Variants in FOXP4 observed in about 807,000 individuals in gnomAD.
The protein encoded by FOXP4 is forkhead box protein P4.
In FOXP4, 25 loss-of-function variants were observed where a neutral mutation model predicts 82.6. The observed-to-expected ratio is 0.30, with a 90% CI of 0.22 to 0.42. The LOEUF is 0.42. Ranked by LOEUF, FOXP4 falls within the 10% of genes least tolerant of loss-of-function variation. The probability of loss-of-function intolerance (pLI) is 1.00; values close to 1 mark genes in which losing one functional copy is unlikely to be tolerated. For synonymous variants in FOXP4, 415 were observed against 388.2 expected (o/e 1.07, Z -0.81); for missense variants, 785 against 900.9 (o/e 0.87, Z 1.65).
intron 1 of FOXP4, among the ~76,000 whole-genome samples, chr6:41,550,583 G>A (rs1763943209): frequency 6.6e-6 from 1 of 152,254 alleles, no homozygotes; most frequent in African/African-American, 2.4e-5. Context: ...GCTTGAGCGT[G>A]TGCTGTGGTG....
intron 2 of FOXP4, among the ~76,000 whole-genome samples, chr6:41,574,668 G>A (rs4642464): frequency 0.018 from 2,734 of 152,264 alleles, 38 homozygotes; most frequent in Non-Finnish European, 0.026. Flanking sequence ...GGGATCTGCC[G>A]GAGTTAGGAC....
intron 2 of FOXP4, among the ~76,000 whole-genome samples, chr6:41,575,320 G>C (rs1044197329): frequency 5.3e-5 from 8 of 152,166 alleles, no homozygotes; most frequent in African/African-American, 9.7e-5. Flanking sequence ...GTGAGCCCTG[G>C]GGGGGCAGAG....
At chr6:41,588,119 C>G (rs1447331281) in intron 8 of FOXP4, among the ~76,000 whole-genome samples, 1 of 152,212 alleles carries the variant, frequency 6.6e-6, no homozygotes, top group Non-Finnish European at 1.5e-5. Flanking sequence ...GACTCCATCC[C>G]CAGCGCAGGG....
chr6:41,576,169 G>A (rs1393415255), intron 2 of FOXP4, among the ~76,000 whole-genome samples: 1 of 151,884 alleles, frequency 6.6e-6, no homozygotes, highest in Non-Finnish European at 1.5e-5. Flanking sequence ...TGGAAGCCCA[G>A]GGCACTTCTC....
At chr6:41,554,735 C>T (rs892575932) in intron 1 of FOXP4, among the ~76,000 whole-genome samples, 5 of 152,186 alleles carry the variant, frequency 3.3e-5, no homozygotes, top group African/African-American at 1.2e-4. Flanking sequence ...TGGCAGGCAC[C>T]TGTAGTCCCA....
intron 2 of FOXP4, among the ~76,000 whole-genome samples, chr6:41,567,965 A>G (rs1562020001): frequency 6.6e-6 from 1 of 152,214 alleles, no homozygotes; most frequent in Admixed American, 6.5e-5. Flanking sequence ...CATATTTGAG[A>G]CTTAAAAAAG....
chr6:41,568,819 T>G (rs1023233658), intron 2 of FOXP4, among the ~76,000 whole-genome samples: 4 of 152,290 alleles, frequency 2.6e-5, no homozygotes, highest in Non-Finnish European at 2.9e-5. Context: ...AGGAGAGAGA[T>G]AAACAGGGCG....
Position 41,591,353 on chromosome 6 carries a change from C to A in FOXP4, c.1536+31C>A. 6.5e-7 allele frequency: 1 copy of A among 1,540,428 alleles called. No individual in the cohort carries two copies. Among genetic ancestry groups the A allele is most frequent in the South Asian group, 1.2e-5 (1 of 85,328 alleles). On this transcript the variant is annotated intron_variant, in intron 13 of 16. Coordinates refer to ENST00000307972, the MANE Select transcript of FOXP4 (RefSeq NM_001012426.2). This position sits in a 1 kb window ranked among gnomAD's most constrained non-coding sequence, Gnocchi z 4.2. Reference sequence around the variant, plus strand: ...GCAGGCCCCTTCCACCTTCTGGGCCCCAGTCACCCTTGGACCTGCCATATC... The same window carrying A: ...GCAGGCCCCTTCCACCTTCTGGGCCACAGTCACCCTTGGACCTGCCATATC...
chr6:41,565,866 G>A lies in FOXP4; in HGVS notation c.106G>A (p.Gly36Arg), dbSNP rs1764850124. The stretch of plus-strand genomic sequence containing the variant: ...CGATGGCAGCAGCGGCGGGGCCACA[G>A]GGACAACTGCAAGTGGCACGGGCAG... ...QADGSSGGAT[G>R]TTASGTGREV... Residue 36 changes from glycine (G) to arginine (R), a missense_variant, in exon 2 of 17, where the codon GGG (glycine) becomes AGG (arginine). By Grantham distance (125) the Gly-to-Arg change is moderately radical (BLOSUM62 -2). Coordinates refer to ENST00000307972, the MANE Select transcript of FOXP4 (RefSeq NM_001012426.2). 3.1e-6 allele frequency: 5 copies of A among 1,613,950 alleles called. No homozygotes were observed. Among genetic ancestry groups the A allele is most frequent in the Non-Finnish European group, 4.2e-6 (5 of 1,180,026 alleles).
At chr6:41,552,522 G>C (rs1314482935) in intron 1 of FOXP4, among the ~76,000 whole-genome samples, 2 of 152,148 alleles carry the variant, frequency 1.3e-5, no homozygotes, top group East Asian at 3.8e-4. Flanking sequence ...AGAGCTACCT[G>C]TTTCCCCTCC....
At chr6:41,582,836 C>T (rs1277130871) in intron 3 of FOXP4, among the ~76,000 whole-genome samples, 2 of 152,096 alleles carry the variant, frequency 1.3e-5, no homozygotes, top group Admixed American at 6.5e-5. Context: ...CCTCAGCCTC[C>T]GGACGTCCCA....
intron 2 of FOXP4, among the ~76,000 whole-genome samples, chr6:41,568,732 G>C (rs1765020541): frequency 6.6e-6 from 1 of 152,134 alleles, no homozygotes; most frequent in Admixed American, 6.5e-5. Context: ...TCTGTCTGTT[G>C]GTCCTTGTCC....
chr6:41,555,947 T>G (rs1488438596), intron 1 of FOXP4, among the ~76,000 whole-genome samples: 1 of 152,164 alleles, frequency 6.6e-6, no homozygotes, highest in African/African-American at 2.4e-5. Flanking sequence ...TTTCTTTTTT[T>G]CCCCCTGTAT....
chr6:41,556,033 G>A (rs551251963), intron 1 of FOXP4, among the ~76,000 whole-genome samples: 4 of 152,174 alleles, frequency 2.6e-5, no homozygotes, highest in East Asian at 1.9e-4. Context: ...CTGTGGGAGC[G>A]TTTCAGGGAT....
chr6:41,549,615 C>G (rs1763881877), intron 1 of FOXP4, among the ~76,000 whole-genome samples: 1 of 151,928 alleles, frequency 6.6e-6, no homozygotes, highest in African/African-American at 2.4e-5. Flanking sequence ...GTTTGCTGAG[C>G]CCCTACTCTG....
chr6:41,594,571 T>C (rs932797), intron 13 of FOXP4, among the ~76,000 whole-genome samples: 19,509 of 152,238 alleles, frequency 0.13, 1,658 homozygotes, highest in East Asian at 0.36. Context: ...AGATTATTAC[T>C]AACTGGATAG....
At chr6:41,585,960 C>T (rs1324133324) in intron 5 of FOXP4, among the ~76,000 whole-genome samples, 1 of 151,984 alleles carries the variant, frequency 6.6e-6, no homozygotes, top group Non-Finnish European at 1.5e-5. Context: ...TCTTCCCCTT[C>T]TTCTTATGAC....
intron 1 of FOXP4, among the ~76,000 whole-genome samples, chr6:41,550,155 C>T (rs543086512): frequency 6.6e-6 from 1 of 152,266 alleles, no homozygotes; most frequent in South Asian, 2.1e-4. Context: ...CTGAGGCCTC[C>T]CCAGGGCAGA....
intron 13 of FOXP4, 80 bp from the exon 14 acceptor site, chr6:41,594,790 A>G (rs747133148): frequency 1.5e-4 from 242 of 1,583,338 alleles, no homozygotes; most frequent in Non-Finnish European, 1.8e-4. Flanking sequence ...GCTGCGTGGG[A>G]CATGGGATGG....
Sources: gnomAD v4.1 joint callset for allele counts (sites outside exome capture counted in the v4.1 genomes callset) on GRCh38, gnomAD v4.1.1 for gene constraint, Gnocchi (gnomAD v3.1) non-coding constraint, MANE v1.5 for transcripts, NCBI Gene and HGNC (gene_info 2026-07-23, HGNC 2026-07-21) for gene names.